Variants in MS4A2 observed in about 807,000 individuals in gnomAD.
The protein encoded by MS4A2 is high affinity immunoglobulin epsilon receptor subunit beta.
Under a neutral mutation model 27.9 loss-of-function variants are expected in MS4A2, and 26 were observed. The observed-to-expected ratio is 0.93, with a 90% confidence interval of 0.68 to 1.29. The LOEUF (loss-of-function observed/expected upper bound fraction) is 1.29, where lower values mean the gene tolerates loss of function less well. MS4A2 is among the 50% of genes most tolerant of loss of function. MS4A2 has a pLI of 0.00. For missense variants in MS4A2, 284 were observed against 284.6 expected, an observed-to-expected ratio of 1.00 and a Z score of 0.01; for synonymous variants, 110 against 98.8, an observed-to-expected ratio of 1.11 and a Z score of -0.67.
At chr11:60,093,694 A>C (rs1275328736) in intron 5 of MS4A2, 136 bp downstream of exon 5, 3 of 1,290,542 alleles carry the variant, frequency 2.3e-6, no homozygotes, top group Non-Finnish European at 3.3e-6. Flanking sequence ...GTAAGTTCAC[A>C]CAGCCCAGGG....
chr11:60,092,600 T>C (rs1855785030), intron 3 of MS4A2, among the ~76,000 whole-genome samples, 192 bp from the exon 4 acceptor site: 1 of 152,152 alleles, frequency 6.6e-6, no homozygotes, highest in Admixed American at 6.5e-5. Context: ...CCAGCCTTAT[T>C]CGTATACACA....
chr11:60,090,600 AG>A, intron 3 of MS4A2, 130 bp downstream of exon 3: 1 of 825,178 alleles, frequency 1.2e-6, no homozygotes, highest in Non-Finnish European at 1.8e-6. Context: ...ATTATATGTG[AG>A]CATATATAAC....
chr11:60,090,480 T>C lies in MS4A2; in HGVS notation c.321+10T>C, dbSNP rs200736999. 47 of 1,611,656 alleles carry C rather than the reference T, an allele frequency of 2.9e-5. No homozygotes were observed. The highest frequency in any genetic ancestry group is 1.2e-4 in the Admixed American group (7 of 60,016). On this transcript the variant is annotated intron_variant, in intron 3 of 6. Transcript: ENST00000278888. Reference sequence around the variant, plus strand: ...CTGGGGAGCCATATTTGTGAGTATATATCTATAATTGTTTCTGAAATAACA... The same window carrying C: ...CTGGGGAGCCATATTTGTGAGTATACATCTATAATTGTTTCTGAAATAACA...
chr11:60,092,832 G>C lies in MS4A2; in HGVS notation c.362G>C (p.Arg121Thr), dbSNP rs977596617. ...SGMLSIISER[R>T]NATYLVRGSL... ...ATGTTGTCAATTATATCTGAAAGGA[G>C]AAATGCAACATATCTGGTGAGTTGC... The change falls in exon 4 of 7, where the codon AGA (arginine) becomes ACA (threonine). Residue 121 changes from arginine to threonine, a missense_variant. By Grantham distance (71) the Arg-to-Thr change is moderately conservative. Coordinates refer to ENST00000278888, the MANE Select transcript of MS4A2 (RefSeq NM_000139.5). 1 of 1,613,798 alleles carries C rather than the reference G, an allele frequency of 6.2e-7. No homozygotes were observed. Among genetic ancestry groups the C allele is most frequent in the African/African-American group, 1.3e-5 (1 of 74,898 alleles).
Position 60,090,425 on chromosome 11 carries a change from T to A in MS4A2, c.276T>A (p.Ile92=), listed in dbSNP as rs780818005. ...ATATTTCACACATTGAGGGAGACAT[T>A]TTTTCATCATTTAAAGCAGGTTATC... ...VLDISHIEGD[I]FSSFKAGYPF... Residue 92 remains isoleucine, a synonymous_variant, in exon 3 of 7, where the codon ATT becomes ATA. Coordinates refer to ENST00000278888, the MANE Select transcript of MS4A2 (RefSeq NM_000139.5). 1 of 1,613,420 alleles carries A rather than the reference T, an allele frequency of 6.2e-7. No homozygotes were observed. Among genetic ancestry groups the A allele is most frequent in the South Asian group, 1.1e-5 (1 of 91,068 alleles).
At chr11:60,094,363 A>T (rs1241576474) in intron 6 of MS4A2, among the ~76,000 whole-genome samples, 1 of 152,204 alleles carries the variant, frequency 6.6e-6, no homozygotes, top group Non-Finnish European at 1.5e-5. Flanking sequence ...TGAGGAAACC[A>T]CCCAGGTATC....
At chr11:60,093,665 T>G in intron 5 of MS4A2, 107 bp downstream of exon 5, 3 of 1,434,772 alleles carry the variant, frequency 2.1e-6, no homozygotes, top group Non-Finnish European at 2.9e-6. Flanking sequence ...TAACTTCTAT[T>G]ACACAGTATA....
rs1469423592 is a variant in MS4A2 at position 60,098,022 on chromosome 11, C to G, written c.*2366C>G. The G allele has an allele frequency of 6.6e-6, 1 of 152,216 alleles. No individual in the cohort carries two copies. Among genetic ancestry groups the G allele is most frequent in the Non-Finnish European group, 1.5e-5 (1 of 68,028 alleles). 9.4% of individuals were successfully genotyped at this position (152,216 alleles called of 1,614,324 possible). A position where few individuals can be genotyped will look rare whatever the true frequency, so the allele number is the denominator to read the frequency against. ...TCTTAACCCTGGTTTACCAGGACCT[C>G]TAGGAGTGGATCCAATCTATATCTT... On this transcript the variant is annotated 3_prime_UTR_variant, in exon 7 of 7. Coordinates refer to ENST00000278888, the MANE Select transcript of MS4A2 (RefSeq NM_000139.5).
chr11:60,094,964 G>A (rs931363658), intron 6 of MS4A2, among the ~76,000 whole-genome samples: 7 of 151,870 alleles, frequency 4.6e-5, no homozygotes, highest in African/African-American at 7.3e-5. Context: ...GCAGTGAGCC[G>A]AGATCATGCC....
intron 5 of MS4A2, 128 bp from the exon 6 acceptor site, chr11:60,093,836 G>GTT (rs1281851634): frequency 9.6e-6 from 7 of 728,580 alleles, no homozygotes; most frequent in Non-Finnish European, 1.7e-5. Context: ...GTGTGTGTGT[G>GTT]TATGTGTCAC....
At chr11:60,094,941 A>G (rs1855841360) in intron 6 of MS4A2, among the ~76,000 whole-genome samples, 1 of 152,112 alleles carries the variant, frequency 6.6e-6, no homozygotes, top group Non-Finnish European at 1.5e-5. Flanking sequence ...CTTGAGCCCA[A>G]GAGATGGAGG....
chr11:60,095,682 T>G lies in MS4A2; in HGVS notation c.*26T>G. The G allele has an allele frequency of 6.6e-7, 1 of 1,508,430 alleles. No homozygotes were observed. Among genetic ancestry groups the G allele is most frequent in the Non-Finnish European group, 9.2e-7 (1 of 1,084,068 alleles). The allele number at this position is 1,508,430 out of a possible 1,614,324, so 93.4% of individuals were successfully genotyped here. ...GAATCACGTGTCCAGAACACTCTGA[T>G]TCACAGCCAAGGATCCAGAAGGCCA... On this transcript the variant is annotated 3_prime_UTR_variant, in exon 7 of 7. Coordinates refer to ENST00000278888, the MANE Select transcript of MS4A2 (RefSeq NM_000139.5).
intron 5 of MS4A2, chr11:60,093,761 C>T: frequency 1.2e-6 from 1 of 824,442 alleles, no homozygotes; most frequent in Non-Finnish European, 2.0e-6. Flanking sequence ...TTAAAGTTAT[C>T]TACTGCAAGT....
Position 60,096,886 on chromosome 11 carries a change from CAAAAAAAAAAAAAAAA to C in MS4A2, c.*1239_*1254del, listed in dbSNP as rs5792169. The C allele has an allele frequency of 1.8e-5, 1 of 55,054 alleles. No homozygotes were observed. The highest frequency in any genetic ancestry group is 7.4e-5 in the African/African-American group (1 of 13,510). The allele number at this position is 55,054 out of a possible 1,614,324, so 3.4% of individuals were successfully genotyped here. ...TTGGTGACAATGGGAGACTCCATCTCAAAAAAAAAAAAAAAAAAAAAAAAGATAAAAAGTCAGAAAT... is the reference window on the plus strand; with the variant it reads ...TTGGTGACAATGGGAGACTCCATCTCAAAAAAAAGATAAAAAGTCAGAAAT... On this transcript the variant is annotated 3_prime_UTR_variant, in exon 7 of 7. Coordinates refer to ENST00000278888, the MANE Select transcript of MS4A2 (RefSeq NM_000139.5).
chr11:60,094,017 GTCAC>G lies in MS4A2; in HGVS notation c.596_599del (p.Leu199GlnfsTer23). ...CCATTCTGGGACTTGGTAGTGCTGTGTCACTCACAATCTGTGGAGCTGGGGAAGA... is the reference window on the plus strand; with the variant it reads ...CCATTCTGGGACTTGGTAGTGCTGTGTCACAATCTGTGGAGCTGGGGAAGA... On this transcript the variant is annotated frameshift_variant, in exon 6 of 7. Coordinates refer to ENST00000278888, the MANE Select transcript of MS4A2 (RefSeq NM_000139.5). LOFTEE classifies it high-confidence loss of function. 1 of 1,614,104 alleles carries G rather than the reference GTCAC, an allele frequency of 6.2e-7. No individual in the cohort carries two copies.
At position 60,094,067 on chromosome 11, in the gene MS4A2, A is replaced by G; in HGVS notation, c.636+5A>G. On this transcript the variant is annotated splice_donor_5th_base_variant and intron_variant, in intron 6 of 6. Transcript: ENST00000278888. ...GAAGAACTCAAAGGAAACAAGGTAG[A>G]TAGAAGCCCGATATAAAATCTTGAA... is the stretch of plus-strand genomic sequence containing the variant. 2.5e-6 allele frequency: 4 copies of G among 1,590,692 alleles called. No individual in the cohort carries two copies. The highest frequency in any genetic ancestry group is 3.5e-6 in the Non-Finnish European group (4 of 1,158,750).
chr11:60,091,435 G>C (rs1352613762), intron 3 of MS4A2, among the ~76,000 whole-genome samples: 2 of 152,078 alleles, frequency 1.3e-5, no homozygotes, highest in Non-Finnish European at 2.9e-5. Flanking sequence ...GACACACATA[G>C]ACACACATGA....
Position 60,095,883 on chromosome 11 carries a change from C to A in MS4A2, c.*227C>A, listed in dbSNP as rs765299288. ...CTATTTTTCTTGTTTTATATTATGACCACACACATCTCTGCTGGAAAGTCA... is the reference window on the plus strand; with the variant it reads ...CTATTTTTCTTGTTTTATATTATGAACACACACATCTCTGCTGGAAAGTCA... On this transcript the variant is annotated 3_prime_UTR_variant, in exon 7 of 7. Coordinates refer to ENST00000278888, the MANE Select transcript of MS4A2 (RefSeq NM_000139.5). The A allele has an allele frequency of 3.7e-6, 2 of 537,838 alleles. No individual in the cohort carries two copies. Among genetic ancestry groups the A allele is most frequent in the African/African-American group, 1.9e-5 (1 of 52,266 alleles). The allele number at this position is 537,838 out of a possible 1,614,324, so 33.3% of individuals were successfully genotyped here. A position where few individuals can be genotyped will look rare whatever the true frequency, so the allele number is the denominator to read the frequency against.
Position 60,094,055 on chromosome 11 carries a change from G to C in MS4A2, c.629G>C (p.Gly210Ala), listed in dbSNP as rs1855822670. ...TGTGGAGCTGGGGAAGAACTCAAAG[G>C]AAACAAGGTAGATAGAAGCCCGATA... ...TICGAGEELK[G>A]NKVPEDRVYE... The change falls in exon 6 of 7, where the codon GGA becomes GCA. Residue 210 changes from glycine to alanine, a missense_variant. Coordinates refer to ENST00000278888, the MANE Select transcript of MS4A2 (RefSeq NM_000139.5). 6.2e-7 allele frequency: 1 copy of C among 1,610,166 alleles called. No homozygotes were observed. Among genetic ancestry groups the C allele is most frequent in the Non-Finnish European group, 8.5e-7 (1 of 1,176,442 alleles).
Sources: gnomAD v4.1 joint callset for allele counts (sites outside exome capture counted in the v4.1 genomes callset) on GRCh38, gnomAD v4.1.1 for gene constraint, MANE v1.5 for transcripts, NCBI Gene and HGNC (gene_info 2026-07-23, HGNC 2026-07-21) for gene names.